The following CCSER1 variants were observed in gnomAD, a reference collection of about 807,000 sequenced individuals.
The protein encoded by CCSER1 is coiled-coil serine rich protein 1.
A neutral mutation model predicts 82.0 loss-of-function variants in CCSER1; 41 were observed. The ratio of observed to expected loss-of-function variants is 0.50; its 90% CI spans 0.39 to 0.65. CCSER1 has a LOEUF of 0.65. Ranked by LOEUF, CCSER1 falls within the 30% of genes least tolerant of loss-of-function variation. CCSER1 has a pLI of 0.00. For missense variants in CCSER1, 1,119 were observed against 1,064.2 expected, an observed-to-expected ratio of 1.05 and a Z score of -0.72; for synonymous variants, 414 against 383.9, an observed-to-expected ratio of 1.08 and a Z score of -0.92.
chr4:90,401,049 A>G (rs979089583), intron 4 of CCSER1, among the ~76,000 whole-genome samples: 1 of 152,180 alleles, frequency 6.6e-6, no homozygotes, highest in Non-Finnish European at 1.5e-5. Context: ...ATTTTCATTT[A>G]TGTAGTATAT....
At chr4:91,531,425 T>C (rs770375176) in intron 10 of CCSER1, among the ~76,000 whole-genome samples, 1 of 152,208 alleles carries the variant, frequency 6.6e-6, no homozygotes, top group Non-Finnish European at 1.5e-5. Flanking sequence ...TAATTTTATT[T>C]GTCTTTGGAG....
intron 5 of CCSER1, among the ~76,000 whole-genome samples, chr4:90,587,600 T>A (rs1345981050): frequency 6.6e-6 from 1 of 152,176 alleles, no homozygotes; most frequent in Non-Finnish European, 1.5e-5. Flanking sequence ...TTATTTAGGG[T>A]TCAATAAATG....
At chr4:90,418,061 CA>C (rs1756082758) in intron 4 of CCSER1, among the ~76,000 whole-genome samples, 1 of 152,018 alleles carries the variant, frequency 6.6e-6, no homozygotes, top group Non-Finnish European at 1.5e-5. Flanking sequence ...TGGAATTAGA[CA>C]AATCTCAACC....
intron 10 of CCSER1, among the ~76,000 whole-genome samples, chr4:91,092,777 C>T (rs1724096998): frequency 2.0e-5 from 3 of 152,218 alleles, no homozygotes; most frequent in South Asian, 2.1e-4. Flanking sequence ...AAGAAGTAGG[C>T]ACCAGATCAG....
At chr4:90,313,081 T>C in intron 3 of CCSER1, 34 bp downstream of exon 3, 2 of 1,470,454 alleles carry the variant, frequency 1.4e-6, no homozygotes, top group Non-Finnish European at 1.9e-6. Context: ...TCTAATAAAA[T>C]AATGCTGTCT....
intron 10 of CCSER1, among the ~76,000 whole-genome samples, chr4:91,285,056 A>G (rs1433139370): frequency 2.0e-5 from 3 of 152,028 alleles, no homozygotes; most frequent in African/African-American, 7.2e-5. Flanking sequence ...TGGGGTTTAG[A>G]TATATTAAAA....
At chr4:90,653,673 G>A (rs1346367298) in intron 6 of CCSER1, among the ~76,000 whole-genome samples, 3 of 151,906 alleles carry the variant, frequency 2.0e-5, no homozygotes, top group African/African-American at 7.3e-5. Flanking sequence ...TATAACTTGA[G>A]GCACCTTGAT....
intron 9 of CCSER1, among the ~76,000 whole-genome samples, chr4:91,008,002 G>A (rs1314470217): frequency 6.6e-6 from 1 of 151,878 alleles, no homozygotes; most frequent in African/African-American, 2.4e-5. Flanking sequence ...TGACCCATTG[G>A]CCGCCAAGAG....
intron 3 of CCSER1, among the ~76,000 whole-genome samples, chr4:90,385,392 A>G (rs1749873718): frequency 6.6e-6 from 1 of 150,488 alleles, no homozygotes; most frequent in South Asian, 2.1e-4. Flanking sequence ...TATCTGTGTC[A>G]AAGTCTAATG....
chr4:90,375,062 C>A (rs1748090865), intron 3 of CCSER1, among the ~76,000 whole-genome samples: 1 of 152,188 alleles, frequency 6.6e-6, no homozygotes, highest in Admixed American at 6.5e-5. Context: ...CCATGAAGTG[C>A]AGCTGTCAAC....
intron 1 of CCSER1, among the ~76,000 whole-genome samples, chr4:90,156,985 T>G (rs1265739753): frequency 3.3e-5 from 5 of 152,238 alleles, no homozygotes; most frequent in Non-Finnish European, 7.3e-5. Context: ...TTTTTACAAT[T>G]TGGCATGATT....
chr4:91,034,549 C>A (rs1455234781), intron 9 of CCSER1, among the ~76,000 whole-genome samples: 1 of 151,072 alleles, frequency 6.6e-6, no homozygotes, highest in Non-Finnish European at 1.5e-5. Context: ...ATACACCCCC[C>A]CCAATTGAAG....
At chr4:91,575,326 A>T (rs1351259224) in intron 10 of CCSER1, among the ~76,000 whole-genome samples, 2 of 152,106 alleles carry the variant, frequency 1.3e-5, no homozygotes, top group Non-Finnish European at 2.9e-5. Context: ...CTTGGATATG[A>T]CACCAAAAAC....
At chr4:90,855,526 G>T (rs1166529543) in intron 8 of CCSER1, among the ~76,000 whole-genome samples, 1 of 152,054 alleles carries the variant, frequency 6.6e-6, no homozygotes, top group Non-Finnish European at 1.5e-5. Context: ...TTAAATCTTA[G>T]CTGGTTTCCA....
chr4:91,093,733 C>G (rs1340197593), intron 10 of CCSER1, among the ~76,000 whole-genome samples: 1 of 152,194 alleles, frequency 6.6e-6, no homozygotes, highest in Non-Finnish European at 1.5e-5. Context: ...AGGGCTTTGT[C>G]AAATCTGGTA....
At chr4:90,384,719 T>G (rs968204113) in intron 3 of CCSER1, among the ~76,000 whole-genome samples, 1 of 152,162 alleles carries the variant, frequency 6.6e-6, no homozygotes, top group African/African-American at 2.4e-5. Context: ...TGGACCAGGC[T>G]TACACACACT....
intron 10 of CCSER1, among the ~76,000 whole-genome samples, chr4:91,384,023 C>A (rs1336006947): frequency 6.6e-6 from 1 of 152,130 alleles, no homozygotes; most frequent in Non-Finnish European, 1.5e-5. Context: ...TCAACTTTGG[C>A]TCCCAGTGGG....
At chr4:90,740,532 A>T (rs1262466211) in intron 7 of CCSER1, among the ~76,000 whole-genome samples, 6 of 152,308 alleles carry the variant, frequency 3.9e-5, no homozygotes, top group Middle Eastern at 3.4e-3. Flanking sequence ...AAACATTAGC[A>T]AATACTTTCA....
chr4:90,495,160 G>T (rs978581294), intron 5 of CCSER1, among the ~76,000 whole-genome samples: 4 of 152,088 alleles, frequency 2.6e-5, no homozygotes, highest in Non-Finnish European at 5.9e-5. Context: ...CACTAATGTG[G>T]TGTTCAACCC....
Sources: gnomAD v4.1 joint callset for allele counts (sites outside exome capture counted in the v4.1 genomes callset) on GRCh38, gnomAD v4.1.1 for gene constraint, MANE v1.5 for transcripts, NCBI Gene and HGNC (gene_info 2026-07-23, HGNC 2026-07-21) for gene names.